PDE6A: variants seen among roughly 807,000 people sequenced by gnomAD.
PDE6A encodes the protein rod cGMP-specific 3',5'-cyclic phosphodiesterase subunit alpha.
In PDE6A, 84 loss-of-function variants were observed where a neutral mutation model predicts 106.3. The observed-to-expected ratio is 0.79, with a 90% CI of 0.66 to 0.95. The LOEUF (loss-of-function observed/expected upper bound fraction) is 0.95. Ranked by LOEUF, PDE6A falls within the 40% of genes least tolerant of loss-of-function variation. PDE6A has a pLI of 0.00. For synonymous variants in PDE6A, 394 were observed against 386.6 expected, an observed-to-expected ratio of 1.02 and a Z score of -0.23; for missense variants, 1,052 against 1,084.9, an observed-to-expected ratio of 0.97 and a Z score of 0.43.
At chr5:149,906,005 G>A (rs1164233025) in intron 7 of PDE6A, among the ~76,000 whole-genome samples, 1 of 152,002 alleles carries the variant, frequency 6.6e-6, no homozygotes, top group African/African-American at 2.4e-5. Flanking sequence ...CTGTGGGCTT[G>A]CACCACCATG....
At chr5:149,927,858 T>G (rs1220321437) in intron 4 of PDE6A, among the ~76,000 whole-genome samples, 8 of 151,844 alleles carry the variant, frequency 5.3e-5, no homozygotes, top group African/African-American at 1.9e-4. Flanking sequence ...TAAACTTTTT[T>G]GTTAAAAACT....
intron 5 of PDE6A, 28 bp downstream of exon 5, chr5:149,921,606 TC>T (rs938542215): frequency 6.4e-7 from 1 of 1,561,186 alleles, no homozygotes; most frequent in Non-Finnish European, 8.8e-7. Context: ...ATATATTAAA[TC>T]ATACTGAAAA....
chr5:149,930,958 A>G (rs1561781991), intron 4 of PDE6A, 70 bp downstream of exon 4: 41 of 1,497,630 alleles, frequency 2.7e-5, no homozygotes, highest in Non-Finnish European at 3.8e-5. Flanking sequence ...AATGTGTGCC[A>G]AGACTCTAGC....
At chr5:149,883,298 T>A in intron 17 of PDE6A, 131 bp downstream of exon 17, 1 of 698,724 alleles carries the variant, frequency 1.4e-6, no homozygotes, top group South Asian at 1.6e-5. Context: ...TAACTTCATT[T>A]TTTTCATATG....
chr5:149,919,820 G>C (rs924651575), intron 5 of PDE6A, among the ~76,000 whole-genome samples: 1 of 152,040 alleles, frequency 6.6e-6, no homozygotes, highest in African/African-American at 2.4e-5. Flanking sequence ...TTCCATGAAG[G>C]CTTTTTAGCC....
intron 3 of PDE6A, chr5:149,932,256 T>C (rs1754056483): frequency 7.1e-7 from 1 of 1,418,040 alleles, no homozygotes; most frequent in Non-Finnish European, 1.0e-6. Context: ...CTGTCCATTT[T>C]GGCGAACAGC....
At chr5:149,869,607 G>T (rs1760462367) in intron 17 of PDE6A, among the ~76,000 whole-genome samples, 1 of 152,250 alleles carries the variant, frequency 6.6e-6, no homozygotes, top group Admixed American at 6.5e-5. Context: ...CCATGCCAGG[G>T]AGTGCAGACT....
At chr5:149,867,961 T>C in intron 18 of PDE6A, 134 bp downstream of exon 18, 1 of 1,105,080 alleles carries the variant, frequency 9.0e-7, no homozygotes, top group Non-Finnish European at 1.4e-6. Context: ...CGTAAAATGA[T>C]TCCCATGTCT....
chr5:149,905,992 G>A (rs1374393596), intron 7 of PDE6A, among the ~76,000 whole-genome samples: 1 of 151,978 alleles, frequency 6.6e-6, no homozygotes, highest in Non-Finnish European at 1.5e-5. Flanking sequence ...TGAGTAGCTG[G>A]GACTGTGGGC....
Position 149,863,202 on chromosome 5 carries a change from T to C in PDE6A, c.2423A>G (p.Glu808Gly). ...GTACTCATCAGCAAGCGCCTTCCAC[T>C]CCTTGCGATTGTTGGTGATCCCGTC... ...MLDGITNNRK[E>G]WKALADEYDA... The change falls in exon 21 of 22, where the codon GAG becomes GGG. Residue 808 changes from glutamate (E) to glycine (G), a missense_variant. This residue lies in a region of PDE6A where 135 missense variants were observed against 153.2 expected (regional missense o/e 0.88). Transcript: ENST00000255266. This position sits in a 1 kb window ranked among gnomAD's most constrained non-coding sequence, Gnocchi z 4.7. The C allele has an allele frequency of 6.2e-7, 1 of 1,614,124 alleles. No individual in the cohort carries two copies. Among genetic ancestry groups the C allele is most frequent in the Non-Finnish European group, 8.5e-7 (1 of 1,179,988 alleles).
intron 17 of PDE6A, among the ~76,000 whole-genome samples, chr5:149,883,044 C>T (rs1760987375): frequency 3.3e-5 from 5 of 152,084 alleles, no homozygotes; most frequent in Admixed American, 2.6e-4. Flanking sequence ...GGCGACAGAG[C>T]GAGACTCTGT....
chr5:149,922,102 T>C (rs892632289), intron 4 of PDE6A, among the ~76,000 whole-genome samples: 4 of 152,010 alleles, frequency 2.6e-5, no homozygotes, highest in African/African-American at 9.7e-5. Flanking sequence ...TTAGAGACAA[T>C]ATAAGTGCCC....
At chr5:149,864,917 C>T (rs1760270542) in intron 20 of PDE6A, among the ~76,000 whole-genome samples, 1 of 152,156 alleles carries the variant, frequency 6.6e-6, no homozygotes, top group African/African-American at 2.4e-5. Flanking sequence ...CCCAGTCTCC[C>T]TTATTTAATA....
intron 1 of PDE6A, among the ~76,000 whole-genome samples, chr5:149,937,552 A>G (rs900258993): frequency 6.6e-6 from 1 of 152,014 alleles, no homozygotes; most frequent in Non-Finnish European, 1.5e-5. Flanking sequence ...TAATTTTTGT[A>G]TTTTTTGTAA....
At chr5:149,875,891 T>C (rs77462171) in intron 17 of PDE6A, among the ~76,000 whole-genome samples, 1 of 152,314 alleles carries the variant, frequency 6.6e-6, no homozygotes, top group Non-Finnish European at 1.5e-5. Flanking sequence ...TCTTTCCTTG[T>C]CTCTGTAAAC....
At chr5:149,901,977 A>T (rs1752995642) in intron 8 of PDE6A, among the ~76,000 whole-genome samples, 1 of 152,226 alleles carries the variant, frequency 6.6e-6, no homozygotes, top group African/African-American at 2.4e-5. Context: ...CCCAGAGCTG[A>T]GGATATCAAG....
intron 9 of PDE6A, 151 bp from the exon 10 acceptor site, chr5:149,898,657 A>G: frequency 1.4e-6 from 1 of 722,538 alleles, no homozygotes; most frequent in Non-Finnish European, 2.3e-6. Flanking sequence ...GAGTTCTTAT[A>G]AGGCTAAGAT....
intron 4 of PDE6A, among the ~76,000 whole-genome samples, chr5:149,929,408 C>A (rs1369700373): frequency 1.3e-5 from 2 of 152,076 alleles, no homozygotes; most frequent in African/African-American, 4.8e-5. Context: ...AGATTGAGAC[C>A]ATCCTGGCTA....
intron 13 of PDE6A, among the ~76,000 whole-genome samples, chr5:149,894,614 C>G (rs1030233654): frequency 1.3e-5 from 2 of 148,230 alleles, no homozygotes; most frequent in African/African-American, 5.0e-5. Context: ...TAACCATGAC[C>G]AATTGAACTG....
Sources: allele counts gnomAD v4.1 joint callset (sites outside exome capture counted in the v4.1 genomes callset), GRCh38; gene constraint gnomAD v4.1.1; regional missense constraint gnomAD v4.1.1; non-coding constraint Gnocchi (gnomAD v3.1); transcripts MANE v1.5; gene names NCBI Gene and HGNC (gene_info 2026-07-23, HGNC 2026-07-21).